Variants in AATK observed in about 807,000 individuals in gnomAD.
AATK encodes lemur tail kinase 1.
Under a neutral mutation model 114.3 loss-of-function variants are expected in AATK, and 91 were observed. That is an observed-to-expected ratio of 0.80 (90% confidence interval 0.67 to 0.95). The LOEUF (loss-of-function observed/expected upper bound fraction) is 0.95, where lower values mean the gene tolerates loss of function less well. Ranked by LOEUF, AATK falls within the 40% of genes least tolerant of loss-of-function variation. The pLI is 0.00. For missense variants in AATK, 2,176 were observed against 1,965.2 expected (o/e 1.11, Z -2.03); for synonymous variants, 1,075 against 916.5 (o/e 1.17, Z -3.12).
chr17:81,159,131 C>T (rs531629072), intron 1 of AATK, among the ~76,000 whole-genome samples: 72 of 152,278 alleles, frequency 4.7e-4, no homozygotes, highest in Non-Finnish European at 8.7e-4. Flanking sequence ...CACAGCTAGC[C>T]GTGCCATGGC....
intron 1 of AATK, among the ~76,000 whole-genome samples, chr17:81,140,015 C>G (rs181109669): frequency 1.3e-5 from 2 of 152,278 alleles, no homozygotes; most frequent in East Asian, 3.9e-4. Context: ...CAAAGGATGA[C>G]TCTATTTCTT....
At chr17:81,165,883 C>A in intron 1 of AATK, 55 bp downstream of exon 1, 3 of 1,549,724 alleles carry the variant, frequency 1.9e-6, no homozygotes, top group Non-Finnish European at 1.7e-6. Flanking sequence ...CCAGGGGCAT[C>A]ACGTCCGCAG....
chr17:81,161,846 T>C (rs1280380174), intron 1 of AATK, among the ~76,000 whole-genome samples: 1 of 151,718 alleles, frequency 6.6e-6, no homozygotes, highest in Non-Finnish European at 1.5e-5. Flanking sequence ...ACATGCAGGG[T>C]GGCACAAGGC....
At chr17:81,149,736 G>A (rs975414472) in intron 1 of AATK, among the ~76,000 whole-genome samples, 9 of 152,090 alleles carry the variant, frequency 5.9e-5, no homozygotes, top group African/African-American at 1.7e-4. Flanking sequence ...ACGCCTGTCC[G>A]GGCTCTCTGC....
intron 3 of AATK, chr17:81,128,770 G>A: frequency 1.5e-6 from 2 of 1,359,334 alleles, no homozygotes; most frequent in Non-Finnish European, 1.9e-6. Context: ...GATCCATCCG[G>A]GCATCTTTCT....
chr17:81,157,784 A>C (rs1331679140), intron 1 of AATK, among the ~76,000 whole-genome samples: 1 of 152,190 alleles, frequency 6.6e-6, no homozygotes, highest in African/African-American at 2.4e-5. Context: ...ACAGTGGAGA[A>C]GCCTCCAAGG....
intron 9 of AATK, among the ~76,000 whole-genome samples, chr17:81,124,145 G>A (rs1211907822): frequency 6.7e-6 from 1 of 150,226 alleles, no homozygotes; most frequent in Non-Finnish European, 1.5e-5. Flanking sequence ...GCAGAAGGCG[G>A]CCAGACCAAA....
At chr17:81,129,018 ACGG>A (rs2060890843) in intron 3 of AATK, 1 of 658,662 alleles carries the variant, frequency 1.5e-6, no homozygotes, top group Admixed American at 4.9e-5. Context: ...ACGGCCCCGC[ACGG>A]AGCACACTGG....
Position 81,120,287 on chromosome 17 carries a change from G to A in AATK, c.3649C>T (p.Leu1217=). 1.2e-6 allele frequency: 2 copies of A among 1,608,904 alleles called. No individual in the cohort carries two copies. The highest frequency in any genetic ancestry group is 1.7e-6 in the Non-Finnish European group (2 of 1,177,756). Residue 1217 remains leucine, a synonymous_variant, in exon 11 of 14, where the codon CTG becomes TTG. Transcript: ENST00000326724. ...LRSLLKMPSL[L]SETFCEDLER... ...AGGTCCTCGCAGAAGGTCTCGGACA[G>A]CAGGCTGGGCATCTTGAGCAGGCTG...
In AATK at chr17:81,120,063, G is replaced by C; in HGVS notation, c.3756C>G (p.Leu1252=). 6.9e-7 allele frequency: 1 copy of C among 1,457,976 alleles called. No individual in the cohort carries two copies. The highest frequency in any genetic ancestry group is 9.1e-7 in the Non-Finnish European group (1 of 1,102,678). 90.3% of individuals were successfully genotyped at this position (1,457,976 alleles called of 1,614,324 possible). A position where few individuals can be genotyped will look rare whatever the true frequency, so the allele number is the denominator to read the frequency against. Residue 1252 remains leucine (L), a synonymous_variant, in exon 12 of 14, where the codon CTC becomes CTG. Coordinates refer to ENST00000326724, the MANE Select transcript of AATK (RefSeq NM_001080395.3). ...CCTTGGCGCCCGGGAAGGGCTCCCC[G>C]AGCTCCCGGGTGGGGCTTTCCTGGA... ...LFDQESPTRE[L]GEPFPGAKES... is the part of the protein sequence containing the mutation.
At chr17:81,119,810 C>T in intron 12 of AATK, 126 bp downstream of exon 12, 3 of 1,337,586 alleles carry the variant, frequency 2.2e-6, no homozygotes, top group Non-Finnish European at 2.9e-6. Flanking sequence ...GGCCAAAGCC[C>T]GCCTCCCACG....
At chr17:81,127,091 C>T (rs1334219796) in intron 6 of AATK, among the ~76,000 whole-genome samples, 1 of 107,362 alleles carries the variant, frequency 9.3e-6, no homozygotes, top group Non-Finnish European at 2.0e-5. Context: ...AGACGGGTCC[C>T]CGGGGCAGGG....
intron 1 of AATK, among the ~76,000 whole-genome samples, chr17:81,153,320 C>T (rs1184216713): frequency 6.6e-6 from 1 of 152,176 alleles, no homozygotes. Flanking sequence ...ATAGAGTCCC[C>T]AAACCATGAC....
intron 1 of AATK, among the ~76,000 whole-genome samples, chr17:81,137,994 A>C (rs955743949): frequency 3.3e-5 from 5 of 149,702 alleles, no homozygotes; most frequent in African/African-American, 9.9e-5. Context: ...GCGTGCACAC[A>C]CCCCCACACA....
intron 1 of AATK, among the ~76,000 whole-genome samples, chr17:81,157,289 C>T (rs984679321): frequency 6.6e-6 from 1 of 152,200 alleles, no homozygotes; most frequent in Non-Finnish European, 1.5e-5. Flanking sequence ...TCCACGGGCC[C>T]GGGCCGGGTC....
At chr17:81,132,026 G>C (rs1401313327) in intron 2 of AATK, 3 of 1,304,422 alleles carry the variant, frequency 2.3e-6, no homozygotes, top group African/African-American at 3.0e-5. Context: ...TCCCTGCCAG[G>C]CTGCTATTTT....
At position 81,120,039 on chromosome 17, in the gene AATK, C is replaced by T. The variant is rs1480792054; in HGVS notation, c.3780G>A (p.Lys1260=). The T allele has an allele frequency of 6.9e-7, 1 of 1,456,262 alleles. No homozygotes were observed. The highest frequency in any genetic ancestry group is 2.7e-5 in the East Asian group (1 of 37,390). 90.2% of individuals were successfully genotyped at this position (1,456,262 alleles called of 1,614,324 possible). ...RELGEPFPGA[K]ESPPTFLRGS... ...CCCTAAGGAACGTAGGGGGCGATTC[C>T]TTGGCGCCCGGGAAGGGCTCCCCGA... The change falls in exon 12 of 14, where the codon AAG becomes AAA. Residue 1260 remains lysine (K), a synonymous_variant. Coordinates refer to ENST00000326724, the MANE Select transcript of AATK (RefSeq NM_001080395.3).
In AATK at chr17:81,118,465, G is replaced by C. The variant is rs202200431; in HGVS notation, c.4085-23C>G. 2.2e-4 allele frequency: 360 copies of C among 1,603,392 alleles called. 2 individuals are homozygous for C. Among genetic ancestry groups the C allele is most frequent in the Admixed American group, 5.4e-4 (32 of 59,090 alleles). ...GTCCTGGCAAGCAGGACAACAAAGT[G>C]AACACAGGGTTCTGAGACACCAGGG... On this transcript the variant is annotated intron_variant, in intron 13 of 13. Transcript: ENST00000326724.
chr17:81,125,797 G>T (rs2146303983), intron 7 of AATK: 1 of 440,230 alleles, frequency 2.3e-6, no homozygotes, highest in Non-Finnish European at 4.8e-6. Context: ...ATGTGTCCTG[G>T]GCCTAGGGGG....
Sources: gnomAD v4.1 joint callset for allele counts (sites outside exome capture counted in the v4.1 genomes callset) on GRCh38, gnomAD v4.1.1 for gene constraint, MANE v1.5 for transcripts, NCBI Gene and HGNC (gene_info 2026-07-23, HGNC 2026-07-21) for gene names.